C6orf52: variants seen among roughly 807,000 people sequenced by gnomAD.
The protein encoded by C6orf52 is chromosome 6 open reading frame 52.
C6orf52 carries 16 observed loss-of-function variants against 16.6 expected under a neutral mutation model. That is an observed-to-expected ratio of 0.96 (90% CI 0.65 to 1.46). C6orf52 has a LOEUF of 1.46. C6orf52 is among the 40% of genes most tolerant of loss of function. The probability of loss-of-function intolerance (pLI) is 0.00; values close to 1 mark genes in which losing one functional copy is unlikely to be tolerated. For missense variants in C6orf52, 166 were observed against 182.3 expected (o/e 0.91, Z 0.52); for synonymous variants, 53 against 61.4 (o/e 0.86, Z 0.64).
At chr6:10,694,065 G>T (rs1769611174) in intron 1 of C6orf52, among the ~76,000 whole-genome samples, 1 of 152,074 alleles carries the variant, frequency 6.6e-6, no homozygotes, top group Admixed American at 6.5e-5. Flanking sequence ...TTCAAAACCA[G>T]CCTAGCCAAC....
intron 4 of C6orf52, among the ~76,000 whole-genome samples, chr6:10,679,754 A>G (rs2127464012): frequency 6.6e-6 from 1 of 152,266 alleles, no homozygotes; most frequent in African/African-American, 2.4e-5. Context: ...TATTATGTTG[A>G]ATAGAAGTAG....
chr6:10,684,788 G>A (rs1052154819), intron 3 of C6orf52: 6 of 1,011,738 alleles, frequency 5.9e-6, no homozygotes, highest in Middle Eastern at 2.4e-4. Flanking sequence ...AAGGACACAC[G>A]TTATTGGAGA....
Position 10,691,442 on chromosome 6 carries a change from G to T in C6orf52, c.-12+3052C>A, listed in dbSNP as rs567819476. Among the ~76,000 whole-genome samples, 12 of 152,132 alleles carry T rather than the reference G, an allele frequency of 7.9e-5. No individual in the cohort carries two copies. The East Asian group carries it at 2.3e-3, about 29-fold the overall frequency. ...GGCTGCATGCACCGGTAATTAGAAC[G>T]GAACAGAACAGGACAGGGATTTTCA... On this transcript the variant is annotated intron_variant, in intron 1 of 4. Coordinates refer to ENST00000259983, the MANE Select transcript of C6orf52 (RefSeq NM_001145020.3).
At chr6:10,674,343 G>A (rs1256178201) in intron 4 of C6orf52, among the ~76,000 whole-genome samples, 1 of 152,044 alleles carries the variant, frequency 6.6e-6, no homozygotes, top group African/African-American at 2.4e-5. Context: ...CCAGATATTA[G>A]GTTAAGTAAG....
chr6:10,678,737 A>G (rs1768106106), intron 4 of C6orf52, among the ~76,000 whole-genome samples: 1 of 151,992 alleles, frequency 6.6e-6, no homozygotes, highest in African/African-American at 2.4e-5. Flanking sequence ...TGAGCTCAGG[A>G]GTTCGACACC....
chr6:10,687,425 G>T, intron 2 of C6orf52, 55 bp downstream of exon 2: 1 of 1,244,882 alleles, frequency 8.0e-7, no homozygotes, highest in Non-Finnish European at 1.1e-6. Context: ...CAACAGTTAT[G>T]TAGCAAATAG....
chr6:10,679,388 G>A (rs527372470), intron 4 of C6orf52, among the ~76,000 whole-genome samples: 8 of 147,210 alleles, frequency 5.4e-5, no homozygotes, highest in African/African-American at 1.0e-4. Flanking sequence ...GCAGTGAGCC[G>A]AGATCACGCC....
chr6:10,680,697 A>G (rs1768301573), intron 4 of C6orf52, among the ~76,000 whole-genome samples: 1 of 152,158 alleles, frequency 6.6e-6, no homozygotes, highest in South Asian at 2.1e-4. Flanking sequence ...TTTGAGACCA[A>G]CCTGAGCAAC....
intron 4 of C6orf52, chr6:10,672,503 G>A (rs1767519785): frequency 2.9e-6 from 2 of 681,022 alleles, no homozygotes; most frequent in Non-Finnish European, 5.3e-6. Flanking sequence ...CAGAAGTAGT[G>A]CCCTTATAAA....
At chr6:10,684,493 G>A (rs975964417) in intron 3 of C6orf52, among the ~76,000 whole-genome samples, 1 of 152,246 alleles carries the variant, frequency 6.6e-6, no homozygotes, top group Non-Finnish European at 1.5e-5. Context: ...TCTGGAGACA[G>A]AGCATTCTCT....
chr6:10,685,794 A>G (rs1768827814), intron 3 of C6orf52, among the ~76,000 whole-genome samples: 1 of 152,232 alleles, frequency 6.6e-6, no homozygotes, highest in South Asian at 2.1e-4. Flanking sequence ...AGATTGGCTA[A>G]TCATACACAG....
chr6:10,679,548 G>A (rs1455160481), intron 4 of C6orf52, among the ~76,000 whole-genome samples: 1 of 148,916 alleles, frequency 6.7e-6, no homozygotes, highest in Non-Finnish European at 1.5e-5. Context: ...ATGCAGGGCT[G>A]CCATAAACTT....
At chr6:10,676,267 T>C (rs1337071333) in intron 4 of C6orf52, among the ~76,000 whole-genome samples, 1 of 152,208 alleles carries the variant, frequency 6.6e-6, no homozygotes, top group Non-Finnish European at 1.5e-5. Context: ...TGCTAATGAG[T>C]CATTTGATTT....
At chr6:10,684,899 G>A in intron 3 of C6orf52, 1 of 1,288,564 alleles carries the variant, frequency 7.8e-7, no homozygotes, top group Non-Finnish European at 1.0e-6. Context: ...CCAGCAGGAT[G>A]GCAGGCAGAT....
Position 10,693,916 on chromosome 6 carries a change from A to G in C6orf52, c.-12+578T>C, listed in dbSNP as rs191984446. On this transcript the variant is annotated intron_variant, in intron 1 of 4. Coordinates refer to ENST00000259983, the MANE Select transcript of C6orf52 (RefSeq NM_001145020.3). Reference sequence around the variant, plus strand: ...GCTAATTTATAACATTTTTGTAGAGACGGCATCAAAATATGTTGCTCAGGC... The same window carrying G: ...GCTAATTTATAACATTTTTGTAGAGGCGGCATCAAAATATGTTGCTCAGGC... Among the ~76,000 whole-genome samples the G allele has an allele frequency of 3.5e-4, 54 of 152,114 alleles. No individual in the cohort carries two copies. In the East Asian group the frequency reaches 7.6e-3, roughly 21 times the overall value.
intron 4 of C6orf52, among the ~76,000 whole-genome samples, chr6:10,675,182 C>G (rs531919960): frequency 5.3e-5 from 8 of 152,184 alleles, no homozygotes; most frequent in Admixed American, 5.2e-4. Context: ...CTCCCTACCA[C>G]TCTCTCCCTG....
Position 10,687,734 on chromosome 6 carries a change from A to C in C6orf52, c.-11-173T>G, listed in dbSNP as rs186617353. Among the ~76,000 whole-genome samples the C allele has an allele frequency of 2.2e-3, 340 of 152,220 alleles. 5 individuals carry two copies. The highest frequency in any genetic ancestry group is 0.014 in the Middle Eastern group (4 of 294). ...GCTTGACTTTCCTGACAACGGGGCA[A>C]AGGTGTGGGTGGGGGAGGGGTGTAC... On this transcript the variant is annotated intron_variant, in intron 1 of 4. Transcript: ENST00000259983.
intron 1 of C6orf52, among the ~76,000 whole-genome samples, chr6:10,689,184 G>T (rs1376303671): frequency 7.9e-6 from 1 of 126,972 alleles, no homozygotes; most frequent in East Asian, 1.9e-4. Context: ...TGGCCAGGCT[G>T]GTCTCAAAAC....
At chr6:10,693,791 C>A (rs1402695229) in intron 1 of C6orf52, among the ~76,000 whole-genome samples, 1 of 152,100 alleles carries the variant, frequency 6.6e-6, no homozygotes, top group Non-Finnish European at 1.5e-5. Flanking sequence ...TGCAGTGGAG[C>A]GATCTCGGCT....
Sources: gnomAD v4.1 joint callset for allele counts (sites outside exome capture counted in the v4.1 genomes callset) on GRCh38, gnomAD v4.1.1 for gene constraint, MANE v1.5 for transcripts, NCBI Gene and HGNC (gene_info 2026-07-23, HGNC 2026-07-21) for gene names.